The following GAS7 variants were observed in gnomAD, a reference collection of about 807,000 sequenced individuals.
The protein encoded by GAS7 is growth arrest specific 7.
Under a neutral mutation model 71.1 loss-of-function variants are expected in GAS7, and 28 were observed. That is an observed-to-expected ratio of 0.39 (90% CI 0.29 to 0.54). The LOEUF (loss-of-function observed/expected upper bound fraction) is 0.54. GAS7 is among the 20% of genes least tolerant of loss of function. GAS7 has a pLI of 0.62. For synonymous variants in GAS7, 258 were observed against 245.8 expected, an observed-to-expected ratio of 1.05 and a Z score of -0.46; for missense variants, 436 against 627.8, an observed-to-expected ratio of 0.69 and a Z score of 3.27.
chr17:10,158,080 G>A (rs896540723), intron 1 of GAS7, among the ~76,000 whole-genome samples: 11 of 152,182 alleles, frequency 7.2e-5, no homozygotes, highest in East Asian at 1.9e-4. Context: ...GCACAATCTC[G>A]GCTCACTGCA....
chr17:10,132,197 A>G (rs2074002643), intron 1 of GAS7, among the ~76,000 whole-genome samples: 1 of 152,234 alleles, frequency 6.6e-6, no homozygotes, highest in African/African-American at 2.4e-5. Flanking sequence ...CGTACTCACA[A>G]TTCTTTCACT....
chr17:10,166,964 G>A (rs1219594087), intron 1 of GAS7, among the ~76,000 whole-genome samples: 1 of 151,428 alleles, frequency 6.6e-6, no homozygotes, highest in Non-Finnish European at 1.5e-5. Flanking sequence ...CCTGCTCTGG[G>A]ACTTCACTCT....
At chr17:9,918,439 C>G (rs2067673632) in intron 12 of GAS7, among the ~76,000 whole-genome samples, 1 of 152,264 alleles carries the variant, frequency 6.6e-6, no homozygotes, top group Non-Finnish European at 1.5e-5. Context: ...AGAGAGGCAA[C>G]AACACAGCTC....
At chr17:10,188,416 G>A (rs1198139126) in intron 1 of GAS7, among the ~76,000 whole-genome samples, 1 of 152,134 alleles carries the variant, frequency 6.6e-6, no homozygotes, top group Non-Finnish European at 1.5e-5. Context: ...TTTACAGCTT[G>A]CCTGATATAT....
In GAS7 at chr17:9,973,744, A is replaced by T. The variant is rs542879370; in HGVS notation, c.386-3982T>A. Among the ~76,000 whole-genome samples, 3 of 152,176 alleles carry T rather than the reference A, an allele frequency of 2.0e-5. No homozygotes were observed. The South Asian group carries it at 6.2e-4, about 32-fold the overall frequency. ...GTTTGATGGGCAAATTCATTCACAC[A>T]CTCCAGAAAGACACATCCATGCATA... On this transcript the variant is annotated intron_variant, in intron 3 of 13. Coordinates refer to ENST00000432992, the MANE Select transcript of GAS7 (RefSeq NM_201433.2).
intron 1 of GAS7, among the ~76,000 whole-genome samples, chr17:10,070,172 C>T (rs903464263): frequency 6.6e-6 from 1 of 151,868 alleles, no homozygotes; most frequent in Non-Finnish European, 1.5e-5. Context: ...TTTCTATGCA[C>T]CCCACTCCTC....
At chr17:9,927,307 A>ACG (rs910339934) in intron 9 of GAS7, among the ~76,000 whole-genome samples, 6 of 148,652 alleles carry the variant, frequency 4.0e-5, no homozygotes, top group Non-Finnish European at 7.4e-5. Flanking sequence ...ACACACACAC[A>ACG]CACACACACA....
At chr17:10,004,200 C>T (rs2071379715) in intron 2 of GAS7, among the ~76,000 whole-genome samples, 1 of 152,176 alleles carries the variant, frequency 6.6e-6, no homozygotes, top group Non-Finnish European at 1.5e-5. Context: ...AAACAAGAAG[C>T]CATTCGCATT....
intron 6 of GAS7, among the ~76,000 whole-genome samples, chr17:9,944,968 A>G (rs1207951654): frequency 6.6e-6 from 1 of 152,158 alleles, no homozygotes; most frequent in Non-Finnish European, 1.5e-5. Context: ...TCAGGGGGAT[A>G]AGTGGATTGC....
chr17:10,014,765 G>A (rs1044619935), intron 2 of GAS7, among the ~76,000 whole-genome samples: 1 of 152,150 alleles, frequency 6.6e-6, no homozygotes, highest in Non-Finnish European at 1.5e-5. Flanking sequence ...TGAGATCACA[G>A]ACAGCATCTA....
intron 1 of GAS7, among the ~76,000 whole-genome samples, chr17:10,164,297 C>T (rs560195988): frequency 2.0e-4 from 30 of 151,962 alleles, no homozygotes; most frequent in African/African-American, 6.8e-4. Context: ...CAAAAATTAG[C>T]GGGGCTTGGT....
chr17:9,918,241 C>CAAAGCGA, intron 12 of GAS7, 142 bp from the exon 13 acceptor site: 1 of 621,948 alleles, frequency 1.6e-6, no homozygotes, highest in Non-Finnish European at 2.8e-6. Flanking sequence ...AGAGCGTGCC[C>CAAAGCGA]CATATCTAAG....
At chr17:9,942,368 G>C (rs1004285662) in intron 7 of GAS7, among the ~76,000 whole-genome samples, 1 of 147,586 alleles carries the variant, frequency 6.8e-6, no homozygotes, top group Non-Finnish European at 1.5e-5. Context: ...AGGTGGGTAT[G>C]TGCAGCTGTG....
chr17:10,046,083 T>C (rs903081135), intron 1 of GAS7, among the ~76,000 whole-genome samples: 9 of 152,186 alleles, frequency 5.9e-5, no homozygotes, highest in Non-Finnish European at 1.2e-4. Flanking sequence ...ACACTGTCTC[T>C]GGCTACACAT....
chr17:10,147,958 T>G (rs1472872999), intron 1 of GAS7, among the ~76,000 whole-genome samples: 1 of 152,156 alleles, frequency 6.6e-6, no homozygotes. Context: ...AATCACAAAT[T>G]CTGAACCTCC....
chr17:9,934,674 G>A (rs2068333571), intron 8 of GAS7, among the ~76,000 whole-genome samples: 1 of 152,168 alleles, frequency 6.6e-6, no homozygotes, highest in Non-Finnish European at 1.5e-5. Context: ...AGGGGTGCAA[G>A]CATCTGCTAA....
At chr17:10,014,591 G>C (rs1360425218) in intron 2 of GAS7, among the ~76,000 whole-genome samples, 1 of 152,054 alleles carries the variant, frequency 6.6e-6, no homozygotes. Context: ...TGTAACCTTG[G>C]CTTGGAATGC....
intron 1 of GAS7, among the ~76,000 whole-genome samples, chr17:10,117,639 C>T (rs895721424): frequency 2.6e-5 from 4 of 152,254 alleles, no homozygotes; most frequent in Admixed American, 6.5e-5. Context: ...AGGGCTTCCG[C>T]GTCTTCACTC....
chr17:10,112,946 C>T (rs1174428690), intron 1 of GAS7, among the ~76,000 whole-genome samples: 1 of 152,038 alleles, frequency 6.6e-6, no homozygotes, highest in Non-Finnish European at 1.5e-5. Context: ...CCCTTAAGAT[C>T]TATATGTAAA....
Sources: allele counts gnomAD v4.1 joint callset (sites outside exome capture counted in the v4.1 genomes callset), GRCh38; gene constraint gnomAD v4.1.1; transcripts MANE v1.5; gene names NCBI Gene and HGNC (gene_info 2026-07-23, HGNC 2026-07-21).